The following SPINK6 variants were observed in gnomAD, a reference collection of about 807,000 sequenced individuals.
The protein encoded by SPINK6 is serine protease inhibitor Kazal-type 6.
Under a neutral mutation model 11.7 loss-of-function variants are expected in SPINK6, and 13 were observed. The ratio of observed to expected loss-of-function variants is 1.11; its 90% CI spans 0.72 to 1.76. The LOEUF is 1.76. Among genes scored for constraint, SPINK6 ranks in the 40% most tolerant of loss-of-function variants. The pLI is 0.00. For synonymous variants in SPINK6, 21 were observed against 31.9 expected (o/e 0.66, Z 1.15); for missense variants, 98 against 93.7 (o/e 1.05, Z -0.19).
At chr5:148,211,146 G>A (rs533090867) in intron 2 of SPINK6, among the ~76,000 whole-genome samples, 219 of 122,412 alleles carry the variant, frequency 1.8e-3, no homozygotes, top group African/African-American at 5.2e-3. Flanking sequence ...CTGGGGCCCA[G>A]AGAGAGTGGT....
At chr5:148,212,704 C>CTATATATTTATA (rs1561733859) in intron 2 of SPINK6, among the ~76,000 whole-genome samples, 42 of 104,168 alleles carry the variant, frequency 4.0e-4, no homozygotes, top group African/African-American at 1.5e-3. Context: ...TATATTTATA[C>CTATATATTTATA]AATATATAGT....
chr5:148,209,963 CATACATACGTACGTATGTATGT>C lies in SPINK6; in HGVS notation c.81+3913_82-3918del, dbSNP rs1459103575. On this transcript the variant is annotated intron_variant, in intron 2 of 3. Transcript: ENST00000325630. The stretch of plus-strand genomic sequence containing the variant: ...GTAAAAGGTTTCATATATATGTATA[CATACATACGTACGTATGTATGT>C]ATACATATACACGTATGTATACATG... Among the ~76,000 whole-genome samples, 60 of 149,284 alleles carry C rather than the reference CATACATACGTACGTATGTATGT, an allele frequency of 4.0e-4. 1 individual carries two copies. The highest frequency in any genetic ancestry group is 1.5e-3 in the African/African-American group (60 of 39,498).
At chr5:148,208,090 G>A (rs771122155) in intron 2 of SPINK6, among the ~76,000 whole-genome samples, 2 of 152,278 alleles carry the variant, frequency 1.3e-5, no homozygotes, top group Non-Finnish European at 2.9e-5. Context: ...ATATAGATGA[G>A]TGGAGTCCTC....
In SPINK6 at chr5:148,206,108, G is replaced by A. The variant is rs1395991809; in HGVS notation, c.81+50G>A. On this transcript the variant is annotated intron_variant, in intron 2 of 3. Transcript: ENST00000325630. ...TTTCTGCCTGGGTGGTGCTTGGCTT[G>A]ATCTTCACTGGCCAAAAAGAAATTT... 6 of 1,608,470 alleles carry A rather than the reference G, an allele frequency of 3.7e-6. No individual in the cohort carries two copies. In the African/African-American group the frequency reaches 8.0e-5, roughly 22 times the overall value.
rs200542986 is a variant in SPINK6 at position 148,210,270 on chromosome 5, GTGTTTCTGCATACATATATATGTA to G, written c.82-3612_82-3589del. The stretch of plus-strand genomic sequence containing the variant: ...TATTTCTGCATACATATATATGTAT[GTGTTTCTGCATACATATATATGTA>G]TGTTTCTGCATACATATATATGTAT... On this transcript the variant is annotated intron_variant, in intron 2 of 3. Coordinates refer to ENST00000325630, the MANE Select transcript of SPINK6 (RefSeq NM_205841.4). Among the ~76,000 whole-genome samples, 16 of 93,964 alleles carry G rather than the reference GTGTTTCTGCATACATATATATGTA, an allele frequency of 1.7e-4. 5 individuals are homozygous for G. Among genetic ancestry groups the G allele is most frequent in the African/African-American group, 2.3e-4 (6 of 25,654 alleles). 61.6% of individuals were successfully genotyped at this position (93,964 alleles called of 152,430 possible).
intron 2 of SPINK6, among the ~76,000 whole-genome samples, chr5:148,213,490 C>T (rs1406478695): frequency 1.3e-5 from 2 of 152,174 alleles, no homozygotes; most frequent in African/African-American, 2.4e-5. Flanking sequence ...TGAGCCACCG[C>T]GCCCAGCCCA....
At chr5:148,212,690 AC>A (rs1755626578) in intron 2 of SPINK6, among the ~76,000 whole-genome samples, 1 of 114,828 alleles carries the variant, frequency 8.7e-6, no homozygotes, top group South Asian at 2.4e-4. Context: ...TTTTATATAA[AC>A]TATATATTTA....
At position 148,212,523 on chromosome 5, in the gene SPINK6, G is replaced by T. The variant is rs1229333225; in HGVS notation, c.82-1387G>T. On this transcript the variant is annotated intron_variant, in intron 2 of 3. Transcript: ENST00000325630. ...AAAGTATATATTTTATATATATAAA[G>T]TATATATTTTATATAAGTATATATT... Among the ~76,000 whole-genome samples the T allele has an allele frequency of 2.0e-4, 22 of 110,858 alleles. No homozygotes were observed. The East Asian group carries it at 4.5e-3, about 23-fold the overall frequency. The allele number at this position is 110,858 out of a possible 152,430, so 72.7% of individuals were successfully genotyped here. A position where few individuals can be genotyped will look rare whatever the true frequency, so the allele number is the denominator to read the frequency against.
chr5:148,214,599 C>A (rs1412578023), intron 3 of SPINK6, among the ~76,000 whole-genome samples: 1 of 152,188 alleles, frequency 6.6e-6, no homozygotes, highest in Non-Finnish European at 1.5e-5. Context: ...GTCCCTTTGT[C>A]ATTATTTCTC....
Position 148,203,070 on chromosome 5 carries a change from C to T in SPINK6, c.-27C>T. 1.3e-6 allele frequency: 2 copies of T among 1,597,564 alleles called. No individual in the cohort carries two copies. Among genetic ancestry groups the T allele is most frequent in the Middle Eastern group, 1.7e-4 (1 of 5,956 alleles). ...GAGAACCTCAGCTGGACAAAGCAGC[C>T]TTGATCTGAGTGAGCTAACTGACAC... On this transcript the variant is annotated 5_prime_UTR_variant, in exon 1 of 4. Coordinates refer to ENST00000325630, the MANE Select transcript of SPINK6 (RefSeq NM_205841.4).
chr5:148,209,954 ATATGTATACATACATACGTACG>A (rs1755548689), intron 2 of SPINK6, among the ~76,000 whole-genome samples: 1 of 12,770 alleles, frequency 7.8e-5, no homozygotes, highest in South Asian at 2.6e-3. Context: ...GGTTTCATAT[ATATGTATACATACATACGTACG>A]TATGTATGTA....
intron 2 of SPINK6, among the ~76,000 whole-genome samples, chr5:148,209,785 G>A (rs574366851): frequency 2.6e-5 from 4 of 152,038 alleles, no homozygotes; most frequent in Admixed American, 1.3e-4. Context: ...AAATGGCAAT[G>A]TTTCCATCTG....
intron 2 of SPINK6, among the ~76,000 whole-genome samples, chr5:148,212,662 ATAT>A (rs1755625138): frequency 9.6e-6 from 1 of 103,968 alleles, no homozygotes; most frequent in African/African-American, 4.4e-5. Flanking sequence ...ATATATTTAT[ATAT>A]TTATATAATA....
intron 2 of SPINK6, 40 bp from the exon 3 acceptor site, chr5:148,213,870 G>A (rs1755646742): frequency 2.0e-6 from 2 of 1,023,762 alleles, no homozygotes; most frequent in Non-Finnish European, 3.1e-6. Context: ...TGGTCTCTTA[G>A]AATGCACTGA....
intron 2 of SPINK6, among the ~76,000 whole-genome samples, chr5:148,209,991 T>TACACACGTACGTATGTATGTATAC (rs1398978551): frequency 0.37 from 53,450 of 145,416 alleles, 19,547 homozygotes; most frequent in Middle Eastern, 0.52. Flanking sequence ...TATGTATACA[T>TACACACGTACGTATGTATGTATAC]ATACACGTAT....
At chr5:148,213,823 T>C in intron 2 of SPINK6, 87 bp from the exon 3 acceptor site, 1 of 692,484 alleles carries the variant, frequency 1.4e-6, no homozygotes, top group Non-Finnish European at 2.6e-6. Flanking sequence ...ATATATGGTT[T>C]TTAAAGTTTG....
intron 2 of SPINK6, among the ~76,000 whole-genome samples, chr5:148,212,772 A>C (rs1755629699): frequency 7.5e-6 from 1 of 133,416 alleles, no homozygotes; most frequent in African/African-American, 2.8e-5. Context: ...TATATTGTAT[A>C]TATTTATATA....
At position 148,211,031 on chromosome 5, in the gene SPINK6, A is replaced by C. The variant is rs11949162; in HGVS notation, c.82-2879A>C. Among the ~76,000 whole-genome samples the C allele has an allele frequency of 8.6e-4, 131 of 152,282 alleles. 1 individual carries two copies. Among genetic ancestry groups the C allele is most frequent in the African/African-American group, 3.0e-3 (126 of 41,560 alleles). ...GCAAATTTTCATTGGTTTTATCTGT[A>C]AACCTAAAACACTAGACTTAAATAT... On this transcript the variant is annotated intron_variant, in intron 2 of 3. Coordinates refer to ENST00000325630, the MANE Select transcript of SPINK6 (RefSeq NM_205841.4).
At chr5:148,204,644 G>A (rs948375088) in intron 1 of SPINK6, among the ~76,000 whole-genome samples, 8 of 151,886 alleles carry the variant, frequency 5.3e-5, no homozygotes, top group African/African-American at 1.9e-4. Flanking sequence ...CTATCTCTGT[G>A]TGGAGAATTA....
Sources: gnomAD v4.1 joint callset for allele counts (sites outside exome capture counted in the v4.1 genomes callset) on GRCh38, gnomAD v4.1.1 for gene constraint, MANE v1.5 for transcripts, NCBI Gene and HGNC (gene_info 2026-07-23, HGNC 2026-07-21) for gene names.